The following NUSAP1 variants were observed in gnomAD, a reference collection of about 807,000 sequenced individuals.
The protein encoded by NUSAP1 is nucleolar and spindle-associated protein 1.
NUSAP1 carries 32 observed loss-of-function variants against 52.8 expected under a neutral mutation model. That is an observed-to-expected ratio of 0.61 (90% confidence interval 0.46 to 0.81). The LOEUF (loss-of-function observed/expected upper bound fraction) is 0.81, where lower values mean the gene tolerates loss of function less well. NUSAP1 is among the 40% of genes least tolerant of loss of function. The pLI is 0.00. For synonymous variants in NUSAP1, 195 were observed against 183.1 expected, an observed-to-expected ratio of 1.06 and a Z score of -0.52; for missense variants, 499 against 522.3, an observed-to-expected ratio of 0.96 and a Z score of 0.43.
chr15:41,339,706 C>T (rs1170157220), intron 1 of NUSAP1, among the ~76,000 whole-genome samples: 2 of 150,498 alleles, frequency 1.3e-5, no homozygotes, highest in Non-Finnish European at 3.0e-5. Flanking sequence ...CCACCACACC[C>T]AGCCTACTTT....
chr15:41,380,286 T>G lies in NUSAP1; in HGVS notation c.*100T>G. 1.3e-6 allele frequency: 1 copy of G among 743,750 alleles called. No homozygotes were observed. Among genetic ancestry groups the G allele is most frequent in the South Asian group, 1.7e-5 (1 of 57,518 alleles). The allele number at this position is 743,750 out of a possible 1,614,324, so 46.1% of individuals were successfully genotyped here. A position where few individuals can be genotyped will look rare whatever the true frequency, so the allele number is the denominator to read the frequency against. ...CATCCCCACTTTAGTCACGAGATCT[T>G]TTTCTGCTAACTGTTCATAGTCTGT... On this transcript the variant is annotated 3_prime_UTR_variant, in exon 11 of 11. Transcript: ENST00000559596.
chr15:41,376,416 G>A (rs906095226), intron 9 of NUSAP1, among the ~76,000 whole-genome samples: 10 of 149,992 alleles, frequency 6.7e-5, no homozygotes, highest in Admixed American at 4.0e-4. Context: ...GGCTGGGCGC[G>A]GTGGCTCACG....
At chr15:41,360,657 A>G (rs2049136604) in intron 6 of NUSAP1, among the ~76,000 whole-genome samples, 1 of 150,542 alleles carries the variant, frequency 6.6e-6, no homozygotes, top group East Asian at 2.0e-4. Flanking sequence ...GGGTTTCACC[A>G]TGTTGGCCAG....
chr15:41,380,333 T>C lies in NUSAP1; in HGVS notation c.*147T>C, dbSNP rs1315711416. 1.9e-5 allele frequency: 11 copies of C among 568,502 alleles called. No individual in the cohort carries two copies. The highest frequency in any genetic ancestry group is 3.4e-5 in the Non-Finnish European group (11 of 319,080). The allele number at this position is 568,502 out of a possible 1,614,324, so 35.2% of individuals were successfully genotyped here. A position where few individuals can be genotyped will look rare whatever the true frequency, so the allele number is the denominator to read the frequency against. The stretch of plus-strand genomic sequence containing the variant: ...CTGTGTAGTGTCCATGGGTTCTTCA[T>C]GTGCTATGATCTCTGAAAAGACGTT... On this transcript the variant is annotated 3_prime_UTR_variant, in exon 11 of 11. Transcript: ENST00000559596.
intron 1 of NUSAP1, among the ~76,000 whole-genome samples, chr15:41,334,105 T>A (rs2048027156): frequency 6.9e-6 from 1 of 145,320 alleles, no homozygotes; most frequent in Admixed American, 6.8e-5. Flanking sequence ...CACAATTTTT[T>A]TTTTATTTGT....
At chr15:41,377,383 G>C in intron 10 of NUSAP1, 79 bp downstream of exon 10, 3 of 748,550 alleles carry the variant, frequency 4.0e-6, no homozygotes, top group Non-Finnish European at 6.4e-6. Flanking sequence ...CTCAGTAATA[G>C]TGGTGTTTTA....
intron 6 of NUSAP1, among the ~76,000 whole-genome samples, chr15:41,358,671 T>C (rs182573974): frequency 2.0e-5 from 3 of 152,228 alleles, no homozygotes; most frequent in East Asian, 3.9e-4. Flanking sequence ...GAGGCCAACA[T>C]TGCAGTGAGC....
At position 41,375,639 on chromosome 15, in the gene NUSAP1, T is replaced by G. The variant is rs1595608013; in HGVS notation, c.1007-73T>G. 1.6e-5 allele frequency: 16 copies of G among 991,000 alleles called. No homozygotes were observed. In the East Asian group the frequency reaches 3.6e-4, roughly 22 times the overall value. 61.4% of individuals were successfully genotyped at this position (991,000 alleles called of 1,614,324 possible). A position where few individuals can be genotyped will look rare whatever the true frequency, so the allele number is the denominator to read the frequency against. On this transcript the variant is annotated intron_variant, in intron 8 of 10. Coordinates refer to ENST00000559596, the MANE Select transcript of NUSAP1 (RefSeq NM_016359.5). The stretch of plus-strand genomic sequence containing the variant: ...AACGTGTATTTTTAAGATTGAGAAG[T>G]AACACTTTGATAAACACTTTACCAG...
intron 1 of NUSAP1, among the ~76,000 whole-genome samples, chr15:41,337,320 C>T (rs1430926632): frequency 1.3e-5 from 2 of 152,110 alleles, no homozygotes; most frequent in Admixed American, 6.6e-5. Context: ...GGCTTGGCCC[C>T]ACCACCAAAC....
chr15:41,342,551 C>A, intron 2 of NUSAP1, 97 bp downstream of exon 2: 1 of 952,492 alleles, frequency 1.0e-6, no homozygotes, highest in South Asian at 1.6e-5. Context: ...TTAAGACATG[C>A]TGTTGGCCAG....
At position 41,371,659 on chromosome 15, in the gene NUSAP1, G is replaced by T; in HGVS notation, c.981G>T (p.Lys327Asn). The T allele has an allele frequency of 6.3e-7, 1 of 1,583,824 alleles. No individual in the cohort carries two copies. The highest frequency in any genetic ancestry group is 8.5e-7 in the Non-Finnish European group (1 of 1,171,740). The change falls in exon 8 of 11, where the codon AAG becomes AAT. Residue 327 changes from lysine (K) to asparagine (N), a missense_variant. Coordinates refer to ENST00000559596, the MANE Select transcript of NUSAP1 (RefSeq NM_016359.5). ...CTGTGCTTGGGACACACAAATTAAA[G>T]ACCATCACGGGGAATTCTGCTGCTG... ...GEAVLGTHKL[K>N]TITGNSAAVI...
intron 6 of NUSAP1, among the ~76,000 whole-genome samples, chr15:41,360,331 G>A (rs2049125586): frequency 6.6e-6 from 1 of 150,998 alleles, no homozygotes; most frequent in Admixed American, 6.6e-5. Context: ...TTGTTTGTTT[G>A]TTTTGACACA....
intron 1 of NUSAP1, among the ~76,000 whole-genome samples, chr15:41,341,895 T>C (rs1595532072): frequency 2.6e-5 from 4 of 152,200 alleles, no homozygotes; most frequent in African/African-American, 9.7e-5. Flanking sequence ...TTTCCCAACA[T>C]TGTCTCTTAC....
At chr15:41,342,195 TCTTTC>T (rs2048388643) in intron 1 of NUSAP1, among the ~76,000 whole-genome samples, 186 bp from the exon 2 acceptor site, 1 of 152,216 alleles carries the variant, frequency 6.6e-6, no homozygotes, top group African/African-American at 2.4e-5. Flanking sequence ...TGCAATTGCC[TCTTTC>T]CTTGTCTAAC....
chr15:41,377,656 G>A (rs1399873126), intron 10 of NUSAP1, among the ~76,000 whole-genome samples: 14 of 146,698 alleles, frequency 9.5e-5, no homozygotes, highest in East Asian at 2.0e-4. Context: ...CCGAGATCGC[G>A]CCACTGCACT....
At chr15:41,366,582 G>A (rs1475584943) in intron 7 of NUSAP1, among the ~76,000 whole-genome samples, 6 of 152,038 alleles carry the variant, frequency 3.9e-5, no homozygotes, top group East Asian at 1.9e-4. Context: ...GCGCCTGGCC[G>A]CACCCAGGTA....
Position 41,332,938 on chromosome 15 carries a change from C to A in NUSAP1, c.-20C>A. On this transcript the variant is annotated 5_prime_UTR_variant, in exon 1 of 11. Transcript: ENST00000559596. ...GTTTGGTGATCCATCTTCCGAGTAT[C>A]GCCGGGATTTCGAATCGCGATGATC... is the stretch of plus-strand genomic sequence containing the variant. The A allele has an allele frequency of 6.3e-7, 1 of 1,586,050 alleles. No homozygotes were observed. The highest frequency in any genetic ancestry group is 8.6e-7 in the Non-Finnish European group (1 of 1,161,006).
At chr15:41,374,731 T>G (rs2140854954) in intron 8 of NUSAP1, among the ~76,000 whole-genome samples, 1 of 152,242 alleles carries the variant, frequency 6.6e-6, no homozygotes, top group East Asian at 1.9e-4. Context: ...TTCACTATGT[T>G]GGCCAGGATG....
intron 10 of NUSAP1, among the ~76,000 whole-genome samples, chr15:41,378,575 G>C (rs1478320696): frequency 6.6e-6 from 1 of 152,142 alleles, no homozygotes; most frequent in African/African-American, 2.4e-5. Context: ...CACGATGTCA[G>C]GAGTTGAAGA....
Sources: gnomAD v4.1 joint callset for allele counts (sites outside exome capture counted in the v4.1 genomes callset) on GRCh38, gnomAD v4.1.1 for gene constraint, MANE v1.5 for transcripts, NCBI Gene and HGNC (gene_info 2026-07-23, HGNC 2026-07-21) for gene names.